The following CENPS variants were observed in gnomAD, a reference collection of about 807,000 sequenced individuals.
CENPS encodes the protein FANCM associated histone fold protein 1.
In CENPS, 16 loss-of-function variants were observed where a neutral mutation model predicts 17.9. The observed-to-expected ratio is 0.90, with a 90% CI of 0.61 to 1.36. The LOEUF (loss-of-function observed/expected upper bound fraction) is 1.36, where lower values mean the gene tolerates loss of function less well. Ranked by LOEUF, CENPS falls within the 40% of genes most tolerant of loss-of-function variation. The pLI is 0.00. For synonymous variants in CENPS, 49 were observed against 55.8 expected, an observed-to-expected ratio of 0.88 and a Z score of 0.54; for missense variants, 160 against 158.6, an observed-to-expected ratio of 1.01 and a Z score of -0.05.
chr1:10,442,523 G>C lies in CENPS; in HGVS notation c.*118G>C, dbSNP rs1291061137. On this transcript the variant is annotated 3_prime_UTR_variant, in exon 5 of 5. Coordinates refer to ENST00000309048, the MANE Select transcript of CENPS (RefSeq NM_199294.3). ...AGATTTAAAAAAATAAAATAAAAAG[G>C]CTGGGCTAGGGTGCTTTTTGTGCTG... 2 of 1,349,318 alleles carry C rather than the reference G, an allele frequency of 1.5e-6. No individual in the cohort carries two copies. Among genetic ancestry groups the C allele is most frequent in the Non-Finnish European group, 9.5e-7 (1 of 1,050,390 alleles). The allele number at this position is 1,349,318 out of a possible 1,614,324, so 83.6% of individuals were successfully genotyped here. A position where few individuals can be genotyped will look rare whatever the true frequency, so the allele number is the denominator to read the frequency against.
At position 10,430,679 on chromosome 1, in the gene CENPS, C is replaced by G. The variant is rs562690041; in HGVS notation, c.51+111C>G. 6.0e-5 allele frequency: 86 copies of G among 1,429,610 alleles called. 2 individuals are homozygous for G. In the African/African-American group the frequency reaches 1.0e-3, roughly 17 times the overall value. 88.6% of individuals were successfully genotyped at this position (1,429,610 alleles called of 1,614,324 possible). Reference sequence around the variant, plus strand: ...TTCTCATCGGCACCCCGCCCCCGGGCGCCCCCCGCGGCTGCGCATGCGTTG... The same window carrying G: ...TTCTCATCGGCACCCCGCCCCCGGGGGCCCCCCGCGGCTGCGCATGCGTTG... On this transcript the variant is annotated intron_variant, in intron 1 of 4. Transcript: ENST00000309048.
chr1:10,432,778 C>T (rs1198094590), intron 1 of CENPS, among the ~76,000 whole-genome samples: 3 of 152,224 alleles, frequency 2.0e-5, no homozygotes, highest in African/African-American at 4.8e-5. Context: ...GCCTGTAGTC[C>T]CAGCTACTCA....
intron 1 of CENPS, chr1:10,430,905 C>A (rs980536810): frequency 7.8e-7 from 1 of 1,278,782 alleles, no homozygotes; most frequent in Non-Finnish European, 9.9e-7. Flanking sequence ...ACAACGTCGG[C>A]ATTAGACATT....
In CENPS at chr1:10,433,960, AGT is replaced by A; in HGVS notation, c.174_175del (p.Cys58Ter). ...GCCATTTCGGAGCTGACTTTCCGAC[AGT>A]GTGGTATGAAGCTTCGGCCTCCCCA... On this transcript the variant is annotated frameshift_variant, in exon 2 of 5. Coordinates refer to ENST00000309048, the MANE Select transcript of CENPS (RefSeq NM_199294.3). LOFTEE classifies it high-confidence loss of function. The A allele has an allele frequency of 6.2e-7, 1 of 1,613,582 alleles. No individual in the cohort carries two copies. The highest frequency in any genetic ancestry group is 8.5e-7 in the Non-Finnish European group (1 of 1,179,516).
At chr1:10,434,003 C>T (rs376130820) in intron 2 of CENPS, 38 bp downstream of exon 2, 57 of 1,612,400 alleles carry the variant, frequency 3.5e-5, no homozygotes, top group Middle Eastern at 3.3e-4. Context: ...GTCTGTAAAC[C>T]CCAAAGGTTG....
chr1:10,432,168 A>C (rs534869615), intron 1 of CENPS, among the ~76,000 whole-genome samples: 1 of 151,142 alleles, frequency 6.6e-6, no homozygotes, highest in South Asian at 2.1e-4. Context: ...CCTCACTGCA[A>C]CCTCCACCTC....
At chr1:10,433,122 C>G (rs567208775) in intron 1 of CENPS, among the ~76,000 whole-genome samples, 28 of 152,174 alleles carry the variant, frequency 1.8e-4, no homozygotes, top group Non-Finnish European at 2.4e-4. Context: ...AGGCGGAGTA[C>G]CCACAGGTGG....
In CENPS at chr1:10,431,335, A is replaced by G. The variant is rs969935010; in HGVS notation, c.51+767A>G. On this transcript the variant is annotated intron_variant, in intron 1 of 4. Coordinates refer to ENST00000309048, the MANE Select transcript of CENPS (RefSeq NM_199294.3). ...TTTCCTCTCTACAAAGTTACACTGC[A>G]GCAGCTGTCTACCCTGCCCCTTGTC... 7 of 1,535,246 alleles carry G rather than the reference A, an allele frequency of 4.6e-6. No homozygotes were observed. The African/African-American group carries it at 9.6e-5, about 21-fold the overall frequency.
intron 3 of CENPS, among the ~76,000 whole-genome samples, chr1:10,437,365 A>G (rs1570042728): frequency 6.8e-6 from 1 of 147,596 alleles, no homozygotes; most frequent in Non-Finnish European, 1.5e-5. Flanking sequence ...AGAAATTTCT[A>G]TGAGAATACA....
rs1639855170 is a variant in CENPS at position 10,430,583 on chromosome 1, GGGTC to G, written c.51+18_51+21del. 1 of 1,533,448 alleles carries G rather than the reference GGGTC, an allele frequency of 6.5e-7. No individual in the cohort carries two copies. Among genetic ancestry groups the G allele is most frequent in the Non-Finnish European group, 8.8e-7 (1 of 1,140,664 alleles). 95.0% of individuals were successfully genotyped at this position (1,533,448 alleles called of 1,614,324 possible). On this transcript the variant is annotated intron_variant, in intron 1 of 4. Coordinates refer to ENST00000309048, the MANE Select transcript of CENPS (RefSeq NM_199294.3). ...CTTACCAACAGGTACAGGAAAACGG[GGGTC>G]GGGCTGGGCTGGGGCAGGACGGCGT...
At position 10,442,417 on chromosome 1, in the gene CENPS, G is replaced by A. The variant is rs749121078; in HGVS notation, c.*12G>A. Reference sequence around the variant, plus strand: ...AAAGTGAGAATTAAAGTCCCTCGCCGCTTGGAAAGTGCAGCCTTCTACAGG... The same window carrying A: ...AAAGTGAGAATTAAAGTCCCTCGCCACTTGGAAAGTGCAGCCTTCTACAGG... On this transcript the variant is annotated 3_prime_UTR_variant, in exon 5 of 5. Transcript: ENST00000309048. The A allele has an allele frequency of 1.0e-5, 16 of 1,561,416 alleles. No individual in the cohort carries two copies. The highest frequency in any genetic ancestry group is 9.3e-5 in the East Asian group (4 of 43,012).
chr1:10,437,502 G>T (rs1260036032), intron 3 of CENPS, among the ~76,000 whole-genome samples: 1 of 142,332 alleles, frequency 7.0e-6, no homozygotes, highest in Non-Finnish European at 1.5e-5. Context: ...TGTCGCCCAG[G>T]CTGGATTGCC....
chr1:10,433,918 G>T lies in CENPS; in HGVS notation c.128G>T (p.Ser43Ile). 1 of 1,614,208 alleles carries T rather than the reference G, an allele frequency of 6.2e-7. No individual in the cohort carries two copies. The highest frequency in any genetic ancestry group is 8.5e-7 in the Non-Finnish European group (1 of 1,180,032). ...GCATTGGACAAAGAGATGCAGTTCA[G>T]CAAACAGACCATTGCGGCCATTTCG... The part of the protein sequence containing the change: ...EVALDKEMQF[S>I]KQTIAAISEL... Residue 43 changes from serine (S) to isoleucine (I), a missense_variant, in exon 2 of 5, where the codon AGC becomes ATC. Ser to Ile is a moderately radical substitution (Grantham distance 142). Coordinates refer to ENST00000309048, the MANE Select transcript of CENPS (RefSeq NM_199294.3).
intron 1 of CENPS, among the ~76,000 whole-genome samples, chr1:10,433,180 G>C (rs1639997905): frequency 6.6e-6 from 1 of 152,170 alleles, no homozygotes; most frequent in African/African-American, 2.4e-5. Context: ...TGCTTAGCTT[G>C]TCTTGCAATT....
At chr1:10,434,946 G>A (rs1640081107) in intron 3 of CENPS, among the ~76,000 whole-genome samples, 1 of 152,162 alleles carries the variant, frequency 6.6e-6, no homozygotes, top group African/African-American at 2.4e-5. Flanking sequence ...AGTGAAAAAG[G>A]TGTGAATACC....
intron 3 of CENPS, among the ~76,000 whole-genome samples, chr1:10,436,332 A>C (rs2124268393): frequency 6.6e-6 from 1 of 150,848 alleles, no homozygotes; most frequent in Non-Finnish European, 1.5e-5. Context: ...ATGTGCGTGC[A>C]TGTGAGTGTG....
intron 1 of CENPS, 118 bp downstream of exon 1, chr1:10,430,686 C>T (rs1557772500): frequency 2.8e-6 from 4 of 1,416,934 alleles, no homozygotes; most frequent in African/African-American, 1.7e-5. Context: ...GGGCGCCCCC[C>T]GCGGCTGCGC....
chr1:10,432,218 G>A (rs1034351977), intron 1 of CENPS, among the ~76,000 whole-genome samples: 7 of 152,104 alleles, frequency 4.6e-5, no homozygotes, highest in Non-Finnish European at 1.0e-4. Context: ...CTCCTGAGCA[G>A]CTGGGATTAC....
Position 10,430,530 on chromosome 1 carries a change from G to A in CENPS, c.13G>A (p.Ala5Thr). ...TCGGCCCGCAGTGATGGAGGAGGAG[G>A]CGGAGACCGAGGAGCAGCAGCGATT... MEEE[A>T]ETEEQQRFSY... The change falls in exon 1 of 5, where the codon GCG becomes ACG. Residue 5 changes from alanine (A) to threonine (T), a missense_variant. Transcript: ENST00000309048. 1 of 1,538,640 alleles carries A rather than the reference G, an allele frequency of 6.5e-7. No homozygotes were observed. The highest frequency in any genetic ancestry group is 8.8e-7 in the Non-Finnish European group (1 of 1,142,802).
Sources: allele counts gnomAD v4.1 joint callset (sites outside exome capture counted in the v4.1 genomes callset), GRCh38; gene constraint gnomAD v4.1.1; transcripts MANE v1.5; gene names NCBI Gene and HGNC (gene_info 2026-07-23, HGNC 2026-07-21).